Variants in NOX4 observed in about 807,000 individuals in gnomAD.
The protein encoded by NOX4 is NADPH oxidase 4.
Under a neutral mutation model 87.6 loss-of-function variants are expected in NOX4, and 69 were observed. The ratio of observed to expected loss-of-function variants is 0.79; its 90% CI spans 0.65 to 0.96. The LOEUF is 0.96. Among genes scored for constraint, NOX4 ranks in the 40% least tolerant of loss-of-function variants. The pLI is 0.00. For missense variants in NOX4, 680 were observed against 681.5 expected (o/e 1.00, Z 0.02); for synonymous variants, 275 against 238.2 (o/e 1.15, Z -1.42).
chr11:89,336,572 G>A (rs1457565149), intron 16 of NOX4, among the ~76,000 whole-genome samples: 1 of 151,970 alleles, frequency 6.6e-6, no homozygotes, highest in South Asian at 2.1e-4. Context: ...CAGAGCATTA[G>A]ATCTAAATCA....
chr11:89,407,774 T>G (rs1408418727), intron 8 of NOX4, among the ~76,000 whole-genome samples: 1 of 152,038 alleles, frequency 6.6e-6, no homozygotes, highest in Non-Finnish European at 1.5e-5. Flanking sequence ...AAACATGATT[T>G]TATGGCAAAA....
intron 17 of NOX4, among the ~76,000 whole-genome samples, chr11:89,329,779 CCAAA>C (rs1272246754): frequency 1.3e-5 from 2 of 151,768 alleles, no homozygotes; most frequent in Admixed American, 6.6e-5. Context: ...AAATTTGATG[CCAAA>C]CAAAAATATT....
chr11:89,503,456 T>A, the NOX4 span, among the ~76,000 whole-genome samples: 2 of 151,986 alleles, frequency 1.3e-5, no homozygotes, highest in Non-Finnish European at 2.9e-5. Flanking sequence ...AAACTGCCAT[T>A]CGTTCTACTA....
intron 14 of NOX4, among the ~76,000 whole-genome samples, chr11:89,340,380 C>T (rs12806912): frequency 1.6e-4 from 23 of 148,024 alleles, no homozygotes; most frequent in African/African-American, 3.3e-4. Context: ...CTCAAGGATA[C>T]GACATACTTC....
the NOX4 span, among the ~76,000 whole-genome samples, chr11:89,546,990 C>A: frequency 2.0e-5 from 3 of 152,130 alleles, no homozygotes; most frequent in Non-Finnish European, 4.4e-5. Context: ...GTATTTTCTT[C>A]TTGTAGACTT....
At chr11:89,506,313 G>A in the NOX4 span, among the ~76,000 whole-genome samples, 363 of 142,876 alleles carry the variant, frequency 2.5e-3, 2 homozygotes, top group African/African-American at 8.7e-3. Flanking sequence ...GAGAGAGAAA[G>A]AAAGAAAGAG....
intron 6 of NOX4, among the ~76,000 whole-genome samples, chr11:89,438,960 AAT>A (rs1271043319): frequency 6.0e-5 from 5 of 83,174 alleles, no homozygotes; most frequent in South Asian, 7.0e-4. Context: ...TATATATAAT[AAT>A]ATATAATATA....
intron 3 of NOX4, 59 bp downstream of exon 3, chr11:89,451,726 T>C (rs1174396192): frequency 5.2e-6 from 6 of 1,150,364 alleles, no homozygotes; most frequent in East Asian, 2.4e-5. Context: ...CAAACTAACA[T>C]GCGACTGTTA....
At chr11:89,452,415 C>CACAT in intron 2 of NOX4, among the ~76,000 whole-genome samples, 2 of 152,294 alleles carry the variant, frequency 1.3e-5, no homozygotes, top group East Asian at 3.9e-4. Context: ...TCTTTCTGGT[C>CACAT]ACATAGTAAG....
At chr11:89,485,168 T>TA (rs1235259111) in intron 2 of NOX4, among the ~76,000 whole-genome samples, 13 of 152,198 alleles carry the variant, frequency 8.5e-5, no homozygotes, top group African/African-American at 2.9e-4. Context: ...TGGATAATGA[T>TA]TGACTAAAGA....
intron 2 of NOX4, among the ~76,000 whole-genome samples, chr11:89,452,206 G>C (rs1944992100): frequency 6.6e-6 from 1 of 152,154 alleles, no homozygotes; most frequent in African/African-American, 2.4e-5. Context: ...TGGCTGTTAA[G>C]AGCCTTAAGA....
At chr11:89,574,823 A>G in the NOX4 span, among the ~76,000 whole-genome samples, 1 of 152,226 alleles carries the variant, frequency 6.6e-6, no homozygotes, top group Non-Finnish European at 1.5e-5. Context: ...GAAGACAGAC[A>G]CATTTTCCTA....
the NOX4 span, among the ~76,000 whole-genome samples, chr11:89,526,936 G>C: frequency 6.6e-6 from 1 of 152,166 alleles, no homozygotes; most frequent in Non-Finnish European, 1.5e-5. Context: ...AAGACAGAAA[G>C]ATGTGGGAAA....
chr11:89,570,831 TAAAC>T, the NOX4 span, among the ~76,000 whole-genome samples: 2 of 152,180 alleles, frequency 1.3e-5, no homozygotes, highest in South Asian at 4.1e-4. Context: ...ATCTCAAAAT[TAAAC>T]AAACAAATAG....
At chr11:89,425,409 C>CAAAAAAAAAAA (rs766357906) in intron 7 of NOX4, among the ~76,000 whole-genome samples, 1 of 70,694 alleles carries the variant, frequency 1.4e-5, no homozygotes. Context: ...ATTGAAATAC[C>CAAAAAAAAAAA]AAAAAAAAAA....
chr11:89,580,553 A>C, the NOX4 span, among the ~76,000 whole-genome samples: 1 of 152,208 alleles, frequency 6.6e-6, no homozygotes, highest in African/African-American at 2.4e-5. Flanking sequence ...TTATTAGATA[A>C]CCTCATAAAC....
chr11:89,367,442 G>A (rs1301737001), intron 12 of NOX4, among the ~76,000 whole-genome samples: 1 of 151,974 alleles, frequency 6.6e-6, no homozygotes, highest in Non-Finnish European at 1.5e-5. Flanking sequence ...TCAGTAATTC[G>A]CAGCAATATG....
At chr11:89,481,796 T>G (rs932813077) in intron 2 of NOX4, among the ~76,000 whole-genome samples, 1 of 152,024 alleles carries the variant, frequency 6.6e-6, no homozygotes, top group African/African-American at 2.4e-5. Context: ...ACAGGGTAAA[T>G]GGACTAGAAC....
At chr11:89,398,730 A>G (rs988723309) in intron 11 of NOX4, among the ~76,000 whole-genome samples, 38 of 151,730 alleles carry the variant, frequency 2.5e-4, no homozygotes, top group Non-Finnish European at 5.0e-4. Flanking sequence ...TTAAGTATAC[A>G]TTTAAACATG....
Sources: allele counts gnomAD v4.1 joint callset (sites outside exome capture counted in the v4.1 genomes callset), GRCh38; gene constraint gnomAD v4.1.1; transcripts MANE v1.5; gene names NCBI Gene and HGNC (gene_info 2026-07-23, HGNC 2026-07-21).